Variants in PXDNL observed in about 807,000 individuals in gnomAD.
PXDNL encodes the protein probable oxidoreductase PXDNL.
PXDNL carries 145 observed loss-of-function variants against 150.8 expected under a neutral mutation model. The observed-to-expected ratio is 0.96, with a 90% CI of 0.84 to 1.10. The LOEUF is 1.10. Among genes scored for constraint, PXDNL ranks in the 50% least tolerant of loss-of-function variants. The pLI is 0.00. For missense variants in PXDNL, 2,087 were observed against 1,873.9 expected, an observed-to-expected ratio of 1.11 and a Z score of -2.10; for synonymous variants, 757 against 725.7, an observed-to-expected ratio of 1.04 and a Z score of -0.69.
At chr8:51,488,896 A>G (rs892999432) in intron 5 of PXDNL, among the ~76,000 whole-genome samples, 1 of 152,228 alleles carries the variant, frequency 6.6e-6, no homozygotes, top group Non-Finnish European at 1.5e-5. Context: ...GTAAGAAAGC[A>G]TTACAATTAT....
intron 4 of PXDNL, among the ~76,000 whole-genome samples, chr8:51,528,539 T>C (rs571336657): frequency 8.7e-4 from 133 of 152,234 alleles, no homozygotes; most frequent in Non-Finnish European, 1.8e-3. Context: ...CTGATTGTGT[T>C]ACATTCCATG....
intron 4 of PXDNL, among the ~76,000 whole-genome samples, chr8:51,529,334 T>C (rs1487688389): frequency 6.6e-6 from 1 of 152,172 alleles, no homozygotes; most frequent in East Asian, 1.9e-4. Context: ...CCTGGAGCAA[T>C]AGTAATGGGT....
chr8:51,718,102 A>G (rs1816654176), intron 1 of PXDNL, among the ~76,000 whole-genome samples: 1 of 152,166 alleles, frequency 6.6e-6, no homozygotes, highest in South Asian at 2.1e-4. Context: ...CTTTTGACAC[A>G]GCTGCCTGAG....
chr8:51,509,826 GTA>G (rs1171790791), intron 4 of PXDNL, among the ~76,000 whole-genome samples: 18 of 150,050 alleles, frequency 1.2e-4, no homozygotes, highest in Non-Finnish European at 2.5e-4. Context: ...GTGTGTGTGT[GTA>G]TATACCGATT....
At chr8:51,728,805 T>G (rs2130930047) in intron 1 of PXDNL, among the ~76,000 whole-genome samples, 1 of 152,306 alleles carries the variant, frequency 6.6e-6, no homozygotes, top group East Asian at 1.9e-4. Context: ...ATAAATTTAG[T>G]GTAGCCTAAG....
At chr8:51,628,566 C>A (rs1585631532) in intron 2 of PXDNL, among the ~76,000 whole-genome samples, 1 of 151,528 alleles carries the variant, frequency 6.6e-6, no homozygotes, top group Non-Finnish European at 1.5e-5. Flanking sequence ...CCACCACACC[C>A]AGCTAATTTT....
chr8:51,595,043 G>A (rs942085074), intron 2 of PXDNL, among the ~76,000 whole-genome samples: 3 of 152,010 alleles, frequency 2.0e-5, no homozygotes, highest in Non-Finnish European at 2.9e-5. Flanking sequence ...ACAAAAAAGA[G>A]GCAAGCAAAA....
intron 1 of PXDNL, among the ~76,000 whole-genome samples, chr8:51,750,336 G>T (rs1443652699): frequency 6.6e-6 from 1 of 152,104 alleles, no homozygotes; most frequent in Non-Finnish European, 1.5e-5. Context: ...GCAAAAGCAC[G>T]CATGGAGCTG....
intron 1 of PXDNL, among the ~76,000 whole-genome samples, chr8:51,693,059 G>A (rs1816033963): frequency 1.3e-5 from 2 of 152,192 alleles, no homozygotes; most frequent in African/African-American, 4.8e-5. Flanking sequence ...CATAATCTAT[G>A]TCTTCAAAGA....
chr8:51,569,195 C>T (rs1049685579), intron 3 of PXDNL, among the ~76,000 whole-genome samples: 2 of 151,848 alleles, frequency 1.3e-5, no homozygotes, highest in African/African-American at 4.8e-5. Flanking sequence ...TATCCTGTAA[C>T]AGGAACTGAG....
chr8:51,599,700 CTT>C lies in PXDNL; in HGVS notation c.237-7004_237-7003del, dbSNP rs1216839930. ...ATATCATTTATATAATAAATTATAT[CTT>C]ATATAAATGATGTCATTTATATAAT... is the stretch of plus-strand genomic sequence containing the variant. On this transcript the variant is annotated intron_variant, in intron 2 of 22. Coordinates refer to ENST00000356297, the MANE Select transcript of PXDNL (RefSeq NM_144651.5). 1.1e-4 allele frequency among the ~76,000 whole-genome samples: 13 copies of C among 122,078 alleles called. No homozygotes were observed. In the South Asian group the frequency reaches 1.8e-3, roughly 17 times the overall value. The allele number at this position is 122,078 out of a possible 152,430, so 80.1% of individuals were successfully genotyped here.
At chr8:51,448,855 T>C in intron 11 of PXDNL, 147 bp downstream of exon 11, 1 of 658,212 alleles carries the variant, frequency 1.5e-6, no homozygotes, top group Non-Finnish European at 2.8e-6. Flanking sequence ...ATTATGATGA[T>C]GTCATATTTA....
intron 1 of PXDNL, among the ~76,000 whole-genome samples, chr8:51,794,807 A>G (rs1309352010): frequency 6.6e-6 from 1 of 152,212 alleles, no homozygotes; most frequent in Non-Finnish European, 1.5e-5. Flanking sequence ...TTCATACATA[A>G]TAATATTAAT....
rs561907250 is a variant in PXDNL, at chr8:51,787,534, C to G, written c.164+21647G>C. Among the ~76,000 whole-genome samples the G allele has an allele frequency of 6.6e-5, 10 of 152,330 alleles. 1 individual carries two copies. In the South Asian group the frequency reaches 2.1e-3, roughly 32 times the overall value. On this transcript the variant is annotated intron_variant, in intron 1 of 22. Transcript: ENST00000356297. The stretch of plus-strand genomic sequence containing the variant: ...AGTAACTTCAGATGTGGTAGAGAAT[C>G]TCAAGAAAACTAGAATTTGAAGTGG...
intron 2 of PXDNL, among the ~76,000 whole-genome samples, chr8:51,607,208 G>A (rs1813854959): frequency 6.6e-6 from 1 of 152,172 alleles, no homozygotes; most frequent in Non-Finnish European, 1.5e-5. Context: ...GAAATGGGGA[G>A]GGACACAGTT....
chr8:51,350,499 A>G (rs543958618), intron 19 of PXDNL, among the ~76,000 whole-genome samples: 1 of 151,888 alleles, frequency 6.6e-6, no homozygotes, highest in South Asian at 2.1e-4. Flanking sequence ...AGCTGGGATT[A>G]CAGGCCCACA....
At chr8:51,411,215 C>T in intron 16 of PXDNL, 35 bp downstream of exon 16, 1 of 1,387,116 alleles carries the variant, frequency 7.2e-7, no homozygotes, top group Non-Finnish European at 9.4e-7. Flanking sequence ...TTTCTGTGGG[C>T]AGTAGGCTGA....
At chr8:51,405,146 C>T (rs368731849) in intron 17 of PXDNL, among the ~76,000 whole-genome samples, 9 of 152,264 alleles carry the variant, frequency 5.9e-5, no homozygotes, top group East Asian at 1.9e-4. Context: ...GGCGCTGGCC[C>T]GCCCGCGCCT....
chr8:51,377,426 G>A (rs1477189723), intron 17 of PXDNL, among the ~76,000 whole-genome samples: 1 of 152,190 alleles, frequency 6.6e-6, no homozygotes, highest in Non-Finnish European at 1.5e-5. Flanking sequence ...CGTGCTTGAG[G>A]GGCCTTTCAG....
Sources: allele counts gnomAD v4.1 joint callset (sites outside exome capture counted in the v4.1 genomes callset), GRCh38; gene constraint gnomAD v4.1.1; transcripts MANE v1.5; gene names NCBI Gene and HGNC (gene_info 2026-07-23, HGNC 2026-07-21).